Variants in DCDC2C observed in about 807,000 individuals in gnomAD.
The protein encoded by DCDC2C is doublecortin domain-containing protein 2C.
In DCDC2C, 44 loss-of-function variants were observed where a neutral mutation model predicts 45.0. The observed-to-expected ratio is 0.98, with a 90% CI of 0.77 to 1.26. The LOEUF (loss-of-function observed/expected upper bound fraction) is 1.26. Among genes scored for constraint, DCDC2C ranks in the 50% most tolerant of loss-of-function variants. The pLI, the probability that DCDC2C is intolerant of heterozygous loss-of-function variation, is 0.00. For missense variants in DCDC2C, 447 were observed against 468.9 expected, an observed-to-expected ratio of 0.95 and a Z score of 0.43; for synonymous variants, 187 against 178.8, an observed-to-expected ratio of 1.05 and a Z score of -0.37.
chr2:3,782,924 C>G lies in DCDC2C; in HGVS notation c.1024-2135C>G, dbSNP rs563082204. Among the ~76,000 whole-genome samples, 3 of 152,278 alleles carry G rather than the reference C, an allele frequency of 2.0e-5. No homozygotes were observed. In the East Asian group the frequency reaches 5.8e-4, roughly 29 times the overall value. ...GAAAAGGTTCAATCCCTTTCCAAAG[C>G]AAGATGGAAAGTATGAATGGCAATG... On this transcript the variant is annotated intron_variant, in intron 9 of 10. Transcript: ENST00000399143.
chr2:3,738,537 TG>T (rs67295428), intron 3 of DCDC2C, among the ~76,000 whole-genome samples: 9,963 of 46,536 alleles, frequency 0.21, 2,552 homozygotes, highest in East Asian at 0.38. Context: ...CTGGTCTATC[TG>T]GGAAAAAAAA....
intron 10 of DCDC2C, among the ~76,000 whole-genome samples, chr2:3,799,369 G>A (rs1443912647): frequency 4.6e-5 from 7 of 151,908 alleles, no homozygotes; most frequent in African/African-American, 9.7e-5. Flanking sequence ...CTCTCAGCTC[G>A]TCAAAGTCAT....
intron 9 of DCDC2C, among the ~76,000 whole-genome samples, chr2:3,780,083 G>A (rs1261226830): frequency 6.6e-6 from 1 of 152,160 alleles, no homozygotes; most frequent in Admixed American, 6.5e-5. Flanking sequence ...TCTGTATCTG[G>A]ATGAGTAGGG....
At chr2:3,751,093 G>A (rs1234153630) in intron 4 of DCDC2C, among the ~76,000 whole-genome samples, 1 of 152,090 alleles carries the variant, frequency 6.6e-6, no homozygotes, top group Non-Finnish European at 1.5e-5. Context: ...GTTTCATACC[G>A]GCAATATCTG....
At chr2:3,746,750 A>C (rs1669374708) in intron 4 of DCDC2C, among the ~76,000 whole-genome samples, 1 of 152,202 alleles carries the variant, frequency 6.6e-6, no homozygotes, top group Admixed American at 6.5e-5. Context: ...GATACACTGC[A>C]ATCAGAGGCA....
At chr2:3,838,777 T>C (rs1672143275) in intron 10 of DCDC2C, among the ~76,000 whole-genome samples, 1 of 152,162 alleles carries the variant, frequency 6.6e-6, no homozygotes, top group African/African-American at 2.4e-5. Flanking sequence ...AAGTATGTCT[T>C]AGAAGTCTGA....
intron 3 of DCDC2C, among the ~76,000 whole-genome samples, chr2:3,735,249 T>TTTTTTAA (rs1353411266): frequency 1.3e-5 from 2 of 151,950 alleles, no homozygotes; most frequent in Non-Finnish European, 2.9e-5. Context: ...TATTTCTTAA[T>TTTTTTAA]TTTTTAATTT....
chr2:3,835,500 G>C (rs1672051898), intron 10 of DCDC2C, among the ~76,000 whole-genome samples: 1 of 152,170 alleles, frequency 6.6e-6, no homozygotes, highest in Non-Finnish European at 1.5e-5. Flanking sequence ...TCAGATGGGA[G>C]CGTGACTCTC....
chr2:3,791,135 A>T (rs2148190035), intron 10 of DCDC2C, among the ~76,000 whole-genome samples: 1 of 152,316 alleles, frequency 6.6e-6, no homozygotes, highest in Middle Eastern at 3.4e-3. Context: ...TTGTGGTTCT[A>T]GAAGTAGAAA....
At chr2:3,722,816 AT>A (rs1351450415) in intron 2 of DCDC2C, among the ~76,000 whole-genome samples, 4 of 152,206 alleles carry the variant, frequency 2.6e-5, no homozygotes, top group Non-Finnish European at 5.9e-5. Context: ...CAATTAGCTC[AT>A]TGTTTCCATA....
chr2:3,824,984 C>T (rs1014106719), intron 10 of DCDC2C, among the ~76,000 whole-genome samples: 41 of 152,304 alleles, frequency 2.7e-4, no homozygotes, highest in South Asian at 2.1e-3. Flanking sequence ...TCTCCAGCCA[C>T]AGTGGGTCTT....
rs1668131756 is a variant in DCDC2C, at chr2:3,708,690, C to T, written c.339+90C>T. The T allele has an allele frequency of 2.9e-6, 3 of 1,027,006 alleles. No individual in the cohort carries two copies. The Admixed American group carries it at 6.5e-5, about 22-fold the overall frequency. The allele number at this position is 1,027,006 out of a possible 1,614,324, so 63.6% of individuals were successfully genotyped here. A position where few individuals can be genotyped will look rare whatever the true frequency, so the allele number is the denominator to read the frequency against. ...TCGGCACGGAATAATTGAAGTTTCA[C>T]AGAAGCAGTAAATGCCTGCAGAGAT... On this transcript the variant is annotated intron_variant, in intron 2 of 10. Coordinates refer to ENST00000399143, the MANE Select transcript of DCDC2C (RefSeq NM_001287444.2).
chr2:3,727,038 T>C lies in DCDC2C; in HGVS notation c.375T>C (p.Pro125=), dbSNP rs756525277. The C allele has an allele frequency of 1.0e-5, 16 of 1,550,430 alleles. No homozygotes were observed. In the South Asian group the frequency reaches 1.9e-4, roughly 18 times the overall value. The change falls in exon 3 of 11, where the codon CCT becomes CCC. Residue 125 remains proline (P), a synonymous_variant. Transcript: ENST00000399143. ...KPVVHCDINV[P]SKWQTYHRIS... is the part of the protein sequence containing the mutation. ...TGGTGCATTGTGATATAAATGTGCC[T>C]TCCAAGTGGCAAACATATCATCGTA...
At position 3,727,005 on chromosome 2, in the gene DCDC2C, C is replaced by T. The variant is rs1273231075; in HGVS notation, c.342C>T (p.Ile114=). 2 of 1,550,304 alleles carry T rather than the reference C, an allele frequency of 1.3e-6. No homozygotes were observed. The highest frequency in any genetic ancestry group is 3.9e-5 in the Admixed American group (2 of 50,994). ...AGGTGTGTTTTTTCCTTTTTCAGAT[C>T]AAACCAGTGGTGCATTGTGATATAA... is the stretch of plus-strand genomic sequence containing the variant. ...KPAKIRKLKE[I]KPVVHCDINV... Residue 114 remains isoleucine, a splice_region_variant and synonymous_variant, in exon 3 of 11, where the codon ATC becomes ATT. Coordinates refer to ENST00000399143, the MANE Select transcript of DCDC2C (RefSeq NM_001287444.2).
intron 4 of DCDC2C, among the ~76,000 whole-genome samples, chr2:3,749,098 T>G (rs531679885): frequency 6.6e-6 from 1 of 152,344 alleles, no homozygotes; most frequent in East Asian, 1.9e-4. Flanking sequence ...ATTGGCTGTT[T>G]TATTGGTAAA....
chr2:3,759,787 T>G (rs909090012), intron 6 of DCDC2C, among the ~76,000 whole-genome samples: 6 of 152,264 alleles, frequency 3.9e-5, no homozygotes, highest in Non-Finnish European at 7.3e-5. Flanking sequence ...ATACATCTGC[T>G]TCCGTGTTTG....
chr2:3,727,623 G>C (rs571420473), intron 3 of DCDC2C, among the ~76,000 whole-genome samples: 16 of 152,374 alleles, frequency 1.1e-4, no homozygotes, highest in African/African-American at 3.6e-4. Flanking sequence ...GGCAGTGCCA[G>C]GCACCGAGGT....
Position 3,708,583 on chromosome 2 carries a change from A to G in DCDC2C, c.322A>G (p.Ile108Val), listed in dbSNP as rs1374003124. 3 of 1,549,072 alleles carry G rather than the reference A, an allele frequency of 1.9e-6. No homozygotes were observed. The highest frequency in any genetic ancestry group is 2.0e-5 in the Admixed American group (1 of 50,808). ...TATAGTTCCCCGAAAACCTGCAAAG[A>G]TAAGGAAGTTGAAGGAAGTAAGTGT... ...IHIVPRKPAK[I>V]RKLKEIKPVV... The change falls in exon 2 of 11, where the codon ATA (isoleucine) becomes GTA (valine). Residue 108 changes from isoleucine (I) to valine (V), a missense_variant. Transcript: ENST00000399143.
chr2:3,778,193 C>T (rs1249987507), intron 8 of DCDC2C, among the ~76,000 whole-genome samples: 9 of 152,114 alleles, frequency 5.9e-5, no homozygotes, highest in Admixed American at 2.6e-4. Flanking sequence ...GGACTCCTCC[C>T]GGCCAGCTGC....
Sources: gnomAD v4.1 joint callset for allele counts (sites outside exome capture counted in the v4.1 genomes callset) on GRCh38, gnomAD v4.1.1 for gene constraint, MANE v1.5 for transcripts, NCBI Gene and HGNC (gene_info 2026-07-23, HGNC 2026-07-21) for gene names.